Variants in HERPUD2 observed in about 807,000 individuals in gnomAD.
The protein encoded by HERPUD2 is homocysteine-responsive endoplasmic reticulum-resident ubiquitin-like domain member 2 protein.
Under a neutral mutation model 49.9 loss-of-function variants are expected in HERPUD2, and 13 were observed. The ratio of observed to expected loss-of-function variants is 0.26; its 90% CI spans 0.17 to 0.41. The LOEUF (loss-of-function observed/expected upper bound fraction) is 0.41. Ranked by LOEUF, HERPUD2 falls within the 10% of genes least tolerant of loss-of-function variation. The probability of loss-of-function intolerance (pLI) is 1.00; values close to 1 mark genes in which losing one functional copy is unlikely to be tolerated. For missense variants in HERPUD2, 449 were observed against 492.2 expected (o/e 0.91, Z 0.83); for synonymous variants, 172 against 171.4 (o/e 1.00, Z -0.03).
rs548745246 is a variant in HERPUD2, at chr7:35,673,321, T to C, written c.148-43A>G. ...GAAAAGAATTCAACTTTTCTAATTA[T>C]GCAAATTGAAGGTTGGGAATAACAT... On this transcript the variant is annotated intron_variant, in intron 2 of 8. Coordinates refer to ENST00000311350, the MANE Select transcript of HERPUD2 (RefSeq NM_022373.5). 10 of 1,482,458 alleles carry C rather than the reference T, an allele frequency of 6.7e-6. No homozygotes were observed. In the South Asian group the frequency reaches 8.3e-5, roughly 12 times the overall value. 91.8% of individuals were successfully genotyped at this position (1,482,458 alleles called of 1,614,324 possible). A position where few individuals can be genotyped will look rare whatever the true frequency, so the allele number is the denominator to read the frequency against.
At chr7:35,636,698 C>T (rs1217906843) in intron 6 of HERPUD2, among the ~76,000 whole-genome samples, 1 of 151,998 alleles carries the variant, frequency 6.6e-6, no homozygotes, top group Non-Finnish European at 1.5e-5. Context: ...CCTTAGGATA[C>T]GAGGTTCATA....
intron 5 of HERPUD2, among the ~76,000 whole-genome samples, chr7:35,666,157 C>T (rs1280374105): frequency 6.6e-6 from 1 of 152,078 alleles, no homozygotes; most frequent in Non-Finnish European, 1.5e-5. Context: ...TAATATAAAC[C>T]CTGAGAACAC....
chr7:35,666,670 G>C (rs944986323), intron 5 of HERPUD2, among the ~76,000 whole-genome samples: 1 of 152,240 alleles, frequency 6.6e-6, no homozygotes, highest in African/African-American at 2.4e-5. Flanking sequence ...ACACAACCCT[G>C]GTCCAAACCA....
chr7:35,650,845 C>T (rs1583545617), intron 5 of HERPUD2, among the ~76,000 whole-genome samples: 2 of 152,158 alleles, frequency 1.3e-5, no homozygotes, highest in Admixed American at 6.5e-5. Context: ...GTCTGGGGAT[C>T]ACGCCATCCT....
chr7:35,643,331 G>A (rs557089821), intron 5 of HERPUD2, among the ~76,000 whole-genome samples: 22 of 152,088 alleles, frequency 1.4e-4, no homozygotes, highest in African/African-American at 5.1e-4. Context: ...AAACATGAAG[G>A]GATGTTTCCA....
At chr7:35,668,909 G>C (rs541403720) in intron 4 of HERPUD2, among the ~76,000 whole-genome samples, 49 of 152,162 alleles carry the variant, frequency 3.2e-4, no homozygotes, top group African/African-American at 1.2e-3. Context: ...TTTATGATTA[G>C]ATCTTTAAAA....
At position 35,638,403 on chromosome 7, in the gene HERPUD2, T is replaced by C; in HGVS notation, c.564A>G (p.Pro188=). 6.2e-7 allele frequency: 1 copy of C among 1,613,754 alleles called. No individual in the cohort carries two copies. Among genetic ancestry groups the C allele is most frequent in the Non-Finnish European group, 8.5e-7 (1 of 1,179,686 alleles). ...TCTGTTGCCACCATAGCATCTGCAG[T>C]GGGCTAAACGCGGGATACACTGGGA... The part of the protein sequence containing the change: ...PGFPVYPAFS[P]LQMLWWQQMY... The change falls in exon 6 of 9, where the codon CCA becomes CCG. Residue 188 remains proline, a synonymous_variant. Transcript: ENST00000311350.
chr7:35,684,281 T>A (rs1008692723), intron 2 of HERPUD2, among the ~76,000 whole-genome samples: 2 of 151,638 alleles, frequency 1.3e-5, no homozygotes, highest in African/African-American at 4.9e-5. Flanking sequence ...TCCCAGCTAC[T>A]CGGGAGGCTG....
chr7:35,643,615 C>T (rs1171752635), intron 5 of HERPUD2, among the ~76,000 whole-genome samples: 1 of 151,358 alleles, frequency 6.6e-6, no homozygotes, highest in East Asian at 1.9e-4. Context: ...TGTGTGTACA[C>T]ACACACACAC....
chr7:35,676,199 T>G (rs941371165), intron 2 of HERPUD2, among the ~76,000 whole-genome samples: 1 of 152,210 alleles, frequency 6.6e-6, no homozygotes, highest in African/African-American at 2.4e-5. Flanking sequence ...TTAAAAAATT[T>G]TTCCCAGGCT....
intron 7 of HERPUD2, among the ~76,000 whole-genome samples, chr7:35,634,769 T>A (rs1488527691): frequency 6.6e-6 from 1 of 152,200 alleles, no homozygotes; most frequent in East Asian, 1.9e-4. Flanking sequence ...AAAAATAGTC[T>A]ACTTATGAAA....
chr7:35,658,819 G>A (rs1263939267), intron 5 of HERPUD2, among the ~76,000 whole-genome samples: 1 of 152,168 alleles, frequency 6.6e-6, no homozygotes, highest in African/African-American at 2.4e-5. Context: ...TAAATGAACA[G>A]CCAGTGTTGT....
Position 35,674,398 on chromosome 7 carries a change from TATATATAGAGAGAGAGAG to T in HERPUD2, c.148-1138_148-1121del, listed in dbSNP as rs1324440198. Among the ~76,000 whole-genome samples, 6 of 61,370 alleles carry T rather than the reference TATATATAGAGAGAGAGAG, an allele frequency of 9.8e-5. No individual in the cohort carries two copies. In the East Asian group the frequency reaches 1.3e-3, roughly 13 times the overall value. The allele number at this position is 61,370 out of a possible 152,430, so 40.3% of individuals were successfully genotyped here. On this transcript the variant is annotated intron_variant, in intron 2 of 8. Transcript: ENST00000311350. ...TACAACCTATATATATATATATATA[TATATATAGAGAGAGAGAG>T]AGAGAGAGAGAGAGAGAGAGAGAGA...
intron 5 of HERPUD2, among the ~76,000 whole-genome samples, chr7:35,661,027 C>A (rs1785407433): frequency 1.3e-5 from 2 of 152,170 alleles, no homozygotes; most frequent in African/African-American, 4.8e-5. Context: ...ACATTTAAGT[C>A]TTTAATCCAT....
Position 35,635,439 on chromosome 7 carries a change from G to A in HERPUD2, c.637C>T (p.Gln213Ter). 6.2e-7 allele frequency: 1 copy of A among 1,611,430 alleles called. No individual in the cohort carries two copies. Among genetic ancestry groups the A allele is most frequent in the Non-Finnish European group, 8.5e-7 (1 of 1,177,846 alleles). Reference sequence around the variant, plus strand: ...GTTGGGTTGACATTTGATGTGGCCTGAGCTGAAACTGCAGCTTGACTGAAA... The same window carrying A: ...GTTGGGTTGACATTTGATGTGGCCTAAGCTGAAACTGCAGCTTGACTGAAA... ...YMQYQAAVSA[Q>*]ATSNVNPTQP... Residue 213 changes from glutamine (Q) to a stop codon, truncating the protein, a stop_gained, in exon 7 of 9, where the codon CAG (glutamine) becomes TAG (stop). Transcript: ENST00000311350. LOFTEE classifies it high-confidence loss of function.
chr7:35,639,358 T>C (rs1784928485), intron 5 of HERPUD2, among the ~76,000 whole-genome samples: 1 of 152,178 alleles, frequency 6.6e-6, no homozygotes, highest in Non-Finnish European at 1.5e-5. Context: ...CAGTAAAACT[T>C]GTGGAAGGTC....
intron 5 of HERPUD2, among the ~76,000 whole-genome samples, chr7:35,643,894 T>G (rs917783007): frequency 1.3e-5 from 2 of 150,618 alleles, no homozygotes; most frequent in African/African-American, 4.9e-5. Flanking sequence ...AGAATTATTC[T>G]ACTGACTTCA....
chr7:35,692,334 A>T (rs1230789473), intron 2 of HERPUD2, among the ~76,000 whole-genome samples: 2 of 152,188 alleles, frequency 1.3e-5, no homozygotes, highest in Non-Finnish European at 2.9e-5. Context: ...GCTTTAGAAA[A>T]AAGTCTATAA....
intron 5 of HERPUD2, among the ~76,000 whole-genome samples, chr7:35,648,720 C>T (rs1319878978): frequency 4.6e-5 from 7 of 152,216 alleles, no homozygotes; most frequent in Admixed American, 1.3e-4. Flanking sequence ...ATGTGTGCCA[C>T]GAAATTACTG....
Sources: allele counts gnomAD v4.1 joint callset (sites outside exome capture counted in the v4.1 genomes callset), GRCh38; gene constraint gnomAD v4.1.1; transcripts MANE v1.5; gene names NCBI Gene and HGNC (gene_info 2026-07-23, HGNC 2026-07-21).